The following PRR5L variants were observed in gnomAD, a reference collection of about 807,000 sequenced individuals.
PRR5L encodes the protein proline-rich protein 5-like.
Under a neutral mutation model 36.4 loss-of-function variants are expected in PRR5L, and 21 were observed. That is an observed-to-expected ratio of 0.58 (90% CI 0.41 to 0.83). The LOEUF (loss-of-function observed/expected upper bound fraction) is 0.83, where lower values mean the gene tolerates loss of function less well. PRR5L is among the 40% of genes least tolerant of loss of function. The probability of loss-of-function intolerance (pLI) is 0.00; values close to 1 mark genes in which losing one functional copy is unlikely to be tolerated. For synonymous variants in PRR5L, 188 were observed against 197.0 expected (o/e 0.95, Z 0.38); for missense variants, 381 against 473.3 (o/e 0.80, Z 1.81).
At chr11:36,437,253 T>A in intron 5 of PRR5L, 132 bp from the exon 6 acceptor site, 1 of 765,410 alleles carries the variant, frequency 1.3e-6, no homozygotes, top group Non-Finnish European at 2.4e-6. Flanking sequence ...TGGGCTTTAA[T>A]AGCTCCTGGC....
intron 3 of PRR5L, among the ~76,000 whole-genome samples, chr11:36,405,197 G>T (rs1341658831): frequency 2.0e-5 from 3 of 152,148 alleles, no homozygotes; most frequent in Admixed American, 2.0e-4. Flanking sequence ...CTTCTGAATG[G>T]GTGAAGCTGG....
At chr11:36,346,764 G>T (rs560690546) in intron 1 of PRR5L, among the ~76,000 whole-genome samples, 6 of 152,058 alleles carry the variant, frequency 3.9e-5, no homozygotes, top group African/African-American at 7.2e-5. Flanking sequence ...CCTAAAGGGA[G>T]ACCACAATGT....
At chr11:36,323,073 A>G (rs1367979389) in intron 1 of PRR5L, among the ~76,000 whole-genome samples, 1 of 152,088 alleles carries the variant, frequency 6.6e-6, no homozygotes, top group Non-Finnish European at 1.5e-5. Context: ...CAGAGGAGAA[A>G]TTTTGTTTTT....
chr11:36,410,528 G>T (rs1445844923), intron 3 of PRR5L, among the ~76,000 whole-genome samples: 1 of 152,202 alleles, frequency 6.6e-6, no homozygotes, highest in Non-Finnish European at 1.5e-5. Context: ...GCAAAATGAG[G>T]ATACACTCCT....
At chr11:36,402,823 G>A (rs2133559965) in intron 2 of PRR5L, among the ~76,000 whole-genome samples, 2 of 152,340 alleles carry the variant, frequency 1.3e-5, no homozygotes, top group Middle Eastern at 6.8e-3. Flanking sequence ...TGTAAGGCTG[G>A]CCTGCGAGAA....
Position 36,401,052 on chromosome 11 carries a change from G to C in PRR5L, c.-70G>C. ...CCTGAGGGCCTGAAGGCAGCCCCTG[G>C]AGAAGCCCTTTCCGAGGGCATTCGG... On this transcript the variant is annotated 5_prime_UTR_variant, in exon 2 of 9. Transcript: ENST00000530639. 1 of 1,575,374 alleles carries C rather than the reference G, an allele frequency of 6.3e-7. No individual in the cohort carries two copies. The highest frequency in any genetic ancestry group is 8.6e-7 in the Non-Finnish European group (1 of 1,158,302).
chr11:36,297,166 G>A lies in PRR5L; in HGVS notation c.-126+728G>A, dbSNP rs139155589. ...ACACAGTTGTTAAATGGCAGAGCCT[G>A]GATTTGAATTCAGTTTTCTCTTAAG... On this transcript the variant is annotated intron_variant, in intron 1 of 8. Transcript: ENST00000530639. Among the ~76,000 whole-genome samples the A allele has an allele frequency of 2.8e-3, 429 of 152,246 alleles. 5 individuals are homozygous for A. The highest frequency in any genetic ancestry group is 9.7e-3 in the African/African-American group (405 of 41,548).
rs560921269 is a variant in PRR5L at position 36,392,724 on chromosome 11, G to GGAGA, written c.-125-8266_-125-8263dup. On this transcript the variant is annotated intron_variant, in intron 1 of 8. Coordinates refer to ENST00000530639, the MANE Select transcript of PRR5L (RefSeq NM_001160167.2). ...AAGGCAAAGGGAAAGCATAGTGACA[G>GGAGA]GAGAGAGAGACAGAGAGCAAGGCTG... 8.1e-5 allele frequency among the ~76,000 whole-genome samples: 12 copies of GGAGA among 148,062 alleles called. No homozygotes were observed. The East Asian group carries it at 8.6e-4, about 11-fold the overall frequency.
intron 1 of PRR5L, among the ~76,000 whole-genome samples, chr11:36,369,550 A>G (rs565656793): frequency 6.6e-6 from 1 of 152,246 alleles, no homozygotes; most frequent in East Asian, 1.9e-4. Context: ...AATCACCAAG[A>G]AAGACGAAAA....
chr11:36,375,141 A>C (rs1374799862), intron 1 of PRR5L, among the ~76,000 whole-genome samples: 1 of 151,992 alleles, frequency 6.6e-6, no homozygotes, highest in African/African-American at 2.4e-5. Context: ...AGGCTGAAGC[A>C]TGAGAATTCC....
At position 36,374,932 on chromosome 11, in the gene PRR5L, C is replaced by A. The variant is rs530408548; in HGVS notation, c.-125-26065C>A. Among the ~76,000 whole-genome samples, 154 of 152,280 alleles carry A rather than the reference C, an allele frequency of 1.0e-3. 1 individual carries two copies. The highest frequency in any genetic ancestry group is 3.5e-3 in the Admixed American group (53 of 15,296). ...GAGCCTCTTTTAAGTCTCCTCCCTG[C>A]TCATTGTCCTCTCAGTTTCTTGCCA... is the stretch of plus-strand genomic sequence containing the variant. On this transcript the variant is annotated intron_variant, in intron 1 of 8. Transcript: ENST00000530639.
chr11:36,400,672 C>T (rs750202756), intron 1 of PRR5L, among the ~76,000 whole-genome samples: 6 of 152,180 alleles, frequency 3.9e-5, no homozygotes, highest in African/African-American at 9.7e-5. Flanking sequence ...TGCACAACAT[C>T]GTGGGCCACA....
intron 8 of PRR5L, among the ~76,000 whole-genome samples, chr11:36,454,440 G>A (rs1291486694): frequency 2.6e-5 from 4 of 152,134 alleles, no homozygotes; most frequent in Admixed American, 6.5e-5. Flanking sequence ...CATTGAGATC[G>A]CTGGCTGAAG....
chr11:36,351,775 ATT>A (rs1565409705), intron 1 of PRR5L, among the ~76,000 whole-genome samples: 5,336 of 38,888 alleles, frequency 0.14, 189 homozygotes, highest in Middle Eastern at 0.2. Flanking sequence ...ATTTATATAT[ATT>A]TATATATTTT....
intron 1 of PRR5L, among the ~76,000 whole-genome samples, chr11:36,345,379 T>A (rs528510560): frequency 2.8e-4 from 43 of 152,186 alleles, no homozygotes; most frequent in African/African-American, 1.0e-3. Context: ...ATGATTGCAG[T>A]GTGTAACCCG....
chr11:36,410,438 C>T (rs529281968), intron 3 of PRR5L, among the ~76,000 whole-genome samples: 80 of 152,244 alleles, frequency 5.3e-4, no homozygotes, highest in African/African-American at 1.9e-3. Flanking sequence ...GGTACCACTG[C>T]CTGATTAGGT....
At chr11:36,312,364 TGTGTA>T (rs1565379726) in intron 1 of PRR5L, among the ~76,000 whole-genome samples, 1 of 152,170 alleles carries the variant, frequency 6.6e-6, no homozygotes, top group Non-Finnish European at 1.5e-5. Flanking sequence ...GAACAGGGGT[TGTGTA>T]CTCGGAAGGT....
At chr11:36,383,878 T>G (rs1485097687) in intron 1 of PRR5L, among the ~76,000 whole-genome samples, 1 of 152,106 alleles carries the variant, frequency 6.6e-6, no homozygotes, top group Non-Finnish European at 1.5e-5. Context: ...GTATCTTTAG[T>G]AGAGATGAGG....
chr11:36,371,135 G>A (rs1243814634), intron 1 of PRR5L, among the ~76,000 whole-genome samples: 2 of 152,080 alleles, frequency 1.3e-5, no homozygotes, highest in Admixed American at 6.5e-5. Flanking sequence ...AACAAGAGAA[G>A]GATGAAAGGG....
Sources: gnomAD v4.1 joint callset for allele counts (sites outside exome capture counted in the v4.1 genomes callset) on GRCh38, gnomAD v4.1.1 for gene constraint, MANE v1.5 for transcripts, NCBI Gene and HGNC (gene_info 2026-07-23, HGNC 2026-07-21) for gene names.